The following GPR119 variants were observed in gnomAD, a reference collection of about 807,000 sequenced individuals.
GPR119 encodes G protein-coupled receptor 119.
A neutral mutation model predicts 13.3 loss-of-function variants in GPR119; 7 were observed. The ratio of observed to expected loss-of-function variants is 0.53; its 90% CI spans 0.30 to 0.99. The LOEUF (loss-of-function observed/expected upper bound fraction) is 0.99, where lower values mean the gene tolerates loss of function less well. Ranked by LOEUF, GPR119 falls within the 50% of genes least tolerant of loss-of-function variation. The pLI is 0.06. For synonymous variants in GPR119, 107 were observed against 112.5 expected, an observed-to-expected ratio of 0.95 and a Z score of 0.31; for missense variants, 197 against 263.0, an observed-to-expected ratio of 0.75 and a Z score of 1.74.
chrX:130,381,645 A>G lies in GPR119; in HGVS notation c.*911T>C, dbSNP rs1210135600. 8.9e-6 allele frequency among the ~76,000 whole-genome samples: 1 copy of G among 111,889 alleles called. No homozygotes were observed. Among genetic ancestry groups the G allele is most frequent in the Non-Finnish European group, 1.9e-5 (1 of 53,252 alleles). ...TGAGGAATTTACAGTTCTGAGTCCA[A>G]TTGTCCTTGTCCTATATGTCATAAT... On this transcript the variant is annotated 3_prime_UTR_variant, in exon 2 of 2. Transcript: ENST00000682440.
At position 130,385,018 on chromosome X, in the gene GPR119, G is replaced by A; in HGVS notation, c.430C>T (p.Pro144Ser). 8.3e-7 allele frequency: 1 copy of A among 1,211,830 alleles called. No homozygotes were observed. The change falls in exon 1 of 2, where the codon CCC becomes TCC. Residue 144 changes from proline (P) to serine (S), a missense_variant. Transcript: ENST00000682440. The part of the protein sequence containing the change: ...YLIGFLPLGI[P>S]MFQQTAYKGQ... Reference sequence around the variant, plus strand: ...TTGTAGGCAGTCTGCTGGAACATGGGGATTCCGAGTGGGAGGAAGCCAATG... The same window carrying A: ...TTGTAGGCAGTCTGCTGGAACATGGAGATTCCGAGTGGGAGGAAGCCAATG...
rs953526058 is a variant in GPR119, at chrX:130,381,165, T to G, written c.*1391A>C. Among the ~76,000 whole-genome samples, 3 of 111,251 alleles carry G rather than the reference T, an allele frequency of 2.7e-5. No homozygotes were observed. The highest frequency in any genetic ancestry group is 9.8e-5 in the African/African-American group (3 of 30,517). On this transcript the variant is annotated 3_prime_UTR_variant, in exon 2 of 2. Transcript: ENST00000682440. ...TTTTTTTTTGTTTGTTTGTTTGTTT[T>G]TTTGAGACGGAGTCTCACTCTGTTG...
In GPR119 at chrX:130,379,803, T is replaced by TG. The variant is rs2034351552; in HGVS notation, c.*2752_*2753insC. 3.6e-5 allele frequency among the ~76,000 whole-genome samples: 4 copies of TG among 112,331 alleles called. No homozygotes were observed. Among genetic ancestry groups the TG allele is most frequent in the Non-Finnish European group, 7.5e-5 (4 of 53,277 alleles). On this transcript the variant is annotated 3_prime_UTR_variant, in exon 2 of 2. Coordinates refer to ENST00000682440, the MANE Select transcript of GPR119 (RefSeq NM_178471.3). ...TTGTGATTTCCTATGTTTGCAAAAT[T>TG]TTTTTAATGAACAAAAGTTGTTTTT...
In GPR119 at chrX:130,381,428, C is replaced by T. The variant is rs779350350; in HGVS notation, c.*1128G>A. Among the ~76,000 whole-genome samples the T allele has an allele frequency of 2.7e-5, 3 of 111,923 alleles. No homozygotes were observed. Among genetic ancestry groups the T allele is most frequent in the East Asian group, 5.6e-4 (2 of 3,562 alleles). On this transcript the variant is annotated 3_prime_UTR_variant, in exon 2 of 2. Coordinates refer to ENST00000682440, the MANE Select transcript of GPR119 (RefSeq NM_178471.3). The stretch of plus-strand genomic sequence containing the variant: ...CCTCCCAACATGCTGGGATTACAGG[C>T]GTGAGCCACCATGCCTGGCCAAACA...
rs1335201348 is a variant in GPR119, at chrX:130,381,552, T to G, written c.*1004A>C. Among the ~76,000 whole-genome samples the G allele has an allele frequency of 8.9e-6, 1 of 111,914 alleles. No homozygotes were observed. Among genetic ancestry groups the G allele is most frequent in the Non-Finnish European group, 1.9e-5 (1 of 53,219 alleles). ...GTCTTGATACTGCTAAGGTATTAGA[T>G]TTATTGTTTGTCTTTTTCAACCTGA... On this transcript the variant is annotated 3_prime_UTR_variant, in exon 2 of 2. Coordinates refer to ENST00000682440, the MANE Select transcript of GPR119 (RefSeq NM_178471.3).
intron 1 of GPR119, among the ~76,000 whole-genome samples, chrX:130,383,442 C>T (rs1286965318): frequency 8.9e-6 from 1 of 111,994 alleles, no homozygotes; most frequent in Non-Finnish European, 1.9e-5. Flanking sequence ...CATGTTTTCT[C>T]TCTCTTCCCT....
chrX:130,383,050 A>G lies in GPR119; in HGVS notation c.*5-499T>C, dbSNP rs1009351971. 1.7e-4 allele frequency among the ~76,000 whole-genome samples: 19 copies of G among 111,498 alleles called. No individual in the cohort carries two copies. The East Asian group carries it at 5.1e-3, about 30-fold the overall frequency. On this transcript the variant is annotated intron_variant, in intron 1 of 1. Coordinates refer to ENST00000682440, the MANE Select transcript of GPR119 (RefSeq NM_178471.3). ...TTCTTCTTGCCCTCTTTTGTTGTCA[A>G]CTTGGCAGCTTTCTGGGGCAATATT...
In GPR119 at chrX:130,380,892, CT is replaced by C. The variant is rs2034355427; in HGVS notation, c.*1663del. ...CTGTTCATGGAAATAATAAATGGGA[CT>C]GATTGGCCTACATTGCATCCTACAA... is the stretch of plus-strand genomic sequence containing the variant. On this transcript the variant is annotated 3_prime_UTR_variant, in exon 2 of 2. Coordinates refer to ENST00000682440, the MANE Select transcript of GPR119 (RefSeq NM_178471.3). Among the ~76,000 whole-genome samples, 1 of 112,342 alleles carries C rather than the reference CT, an allele frequency of 8.9e-6. No individual in the cohort carries two copies. Among genetic ancestry groups the C allele is most frequent in the Non-Finnish European group, 1.9e-5 (1 of 53,257 alleles).
chrX:130,380,314 T>C lies in GPR119; in HGVS notation c.*2242A>G, dbSNP rs1230147003. On this transcript the variant is annotated 3_prime_UTR_variant, in exon 2 of 2. Coordinates refer to ENST00000682440, the MANE Select transcript of GPR119 (RefSeq NM_178471.3). Reference sequence around the variant, plus strand: ...TCCCATTTGAACCAGTTAACACTTCTCCTTCTAGGGAGAAGATATCCCAAG... The same window carrying C: ...TCCCATTTGAACCAGTTAACACTTCCCCTTCTAGGGAGAAGATATCCCAAG... Among the ~76,000 whole-genome samples the C allele has an allele frequency of 8.9e-6, 1 of 112,325 alleles. No homozygotes were observed. Among genetic ancestry groups the C allele is most frequent in the Non-Finnish European group, 1.9e-5 (1 of 53,301 alleles).
chrX:130,380,001 T>G lies in GPR119; in HGVS notation c.*2555A>C, dbSNP rs1231819214. 8.9e-6 allele frequency among the ~76,000 whole-genome samples: 1 copy of G among 112,285 alleles called. No homozygotes were observed. The highest frequency in any genetic ancestry group is 1.9e-5 in the Non-Finnish European group (1 of 53,299). On this transcript the variant is annotated 3_prime_UTR_variant, in exon 2 of 2. Coordinates refer to ENST00000682440, the MANE Select transcript of GPR119 (RefSeq NM_178471.3). Reference sequence around the variant, plus strand: ...GCATTTGTAGGCACCATCATTGAATTTATAAGATTGCAGAAATAACAAGTG... The same window carrying G: ...GCATTTGTAGGCACCATCATTGAATGTATAAGATTGCAGAAATAACAAGTG...
intron 1 of GPR119, among the ~76,000 whole-genome samples, chrX:130,384,015 A>G (rs746290377): frequency 1.1e-4 from 12 of 112,747 alleles, no homozygotes; most frequent in Non-Finnish European, 2.2e-4. Context: ...TAAATAAAAT[A>G]TTAGTTTTGC....
At position 130,381,714 on chromosome X, in the gene GPR119, T is replaced by A. The variant is rs1010883488; in HGVS notation, c.*842A>T. ...CCCTTAAATGGGTCAACTGACTGTTTAGTCCAGGGTGTTTAAAGAAGAGGA... is the reference window on the plus strand; with the variant it reads ...CCCTTAAATGGGTCAACTGACTGTTAAGTCCAGGGTGTTTAAAGAAGAGGA... On this transcript the variant is annotated 3_prime_UTR_variant, in exon 2 of 2. Transcript: ENST00000682440. Among the ~76,000 whole-genome samples the A allele has an allele frequency of 4.5e-5, 5 of 112,048 alleles. No individual in the cohort carries two copies. The highest frequency in any genetic ancestry group is 1.6e-4 in the African/African-American group (5 of 30,820).
At position 130,385,089 on chromosome X, in the gene GPR119, A is replaced by G; in HGVS notation, c.359T>C (p.Phe120Ser). ...CCCGGCAATGCAGGCCCCGGCCACG[A>G]ACCCACTCATGATCTTCAAGTAGCG... is the stretch of plus-strand genomic sequence containing the variant. ...PFRYLKIMSG[F>S]VAGACIAGLW... Residue 120 changes from phenylalanine (F) to serine (S), a missense_variant, in exon 1 of 2, where the codon TTC becomes TCC. Coordinates refer to ENST00000682440, the MANE Select transcript of GPR119 (RefSeq NM_178471.3). 1 of 1,212,268 alleles carries G rather than the reference A, an allele frequency of 8.2e-7. No individual in the cohort carries two copies. The highest frequency in any genetic ancestry group is 1.8e-5 in the South Asian group (1 of 57,040).
chrX:130,383,459 G>A (rs2034367115), intron 1 of GPR119, among the ~76,000 whole-genome samples: 1 of 112,007 alleles, frequency 8.9e-6, no homozygotes, highest in African/African-American at 3.2e-5. Context: ...CCCTCCCAGT[G>A]CCTCAGAATT....
rs2034373840 is a variant in GPR119 at position 130,384,585 on chromosome X, A to G, written c.863T>C (p.Leu288Pro). 1 of 1,212,010 alleles carries G rather than the reference A, an allele frequency of 8.3e-7. No homozygotes were observed. Among genetic ancestry groups the G allele is most frequent in the African/African-American group, 1.7e-5 (1 of 57,860 alleles). Residue 288 changes from leucine (L) to proline (P), a missense_variant, in exon 1 of 2, where the codon CTG becomes CCG. Coordinates refer to ENST00000682440, the MANE Select transcript of GPR119 (RefSeq NM_178471.3). ...TCCTAGGGCCATGTGGTAGAGCTGC[A>G]GTCGCACCTCCTTCTGCCAATAGGC... is the stretch of plus-strand genomic sequence containing the variant. Reference protein sequence around the residue: ...IYAYWQKEVRLQLYHMALGVK... With the variant: ...IYAYWQKEVRPQLYHMALGVK...
chrX:130,385,563 G>T lies in GPR119; in HGVS notation c.-116C>A. 1 of 713,302 alleles carries T rather than the reference G, an allele frequency of 1.4e-6. No individual in the cohort carries two copies. The highest frequency in any genetic ancestry group is 2.1e-6 in the Non-Finnish European group (1 of 471,544). The allele number at this position is 713,302 out of a possible 1,213,427, so 58.8% of individuals were successfully genotyped here. On this transcript the variant is annotated 5_prime_UTR_variant, in exon 1 of 2. Coordinates refer to ENST00000682440, the MANE Select transcript of GPR119 (RefSeq NM_178471.3). ...GAGCTACAGCACGATTCTGGCCTTC[G>T]CTGGCAGTCCAGGCTGGCAGGTCGC... is the stretch of plus-strand genomic sequence containing the variant.
rs1378223988 is a variant in GPR119, at chrX:130,384,543, G to T, written c.905C>A (p.Thr302Asn). 1.7e-6 allele frequency: 2 copies of T among 1,210,252 alleles called. No homozygotes were observed. Among genetic ancestry groups the T allele is most frequent in the Non-Finnish European group, 2.2e-6 (2 of 895,093 alleles). ...HMALGVKKVLTSFLLFLSARN... is the reference protein window; with the variant it reads ...HMALGVKKVLNSFLLFLSARN... ...GGCCGAGAGAAAGAGGAGGAATGAG[G>T]TGAGCACCTTCTTCACTCCTAGGGC... Residue 302 changes from threonine to asparagine, a missense_variant, in exon 1 of 2, where the codon ACC (threonine) becomes AAC (asparagine). Thr to Asn is a moderately conservative substitution (Grantham distance 65). Coordinates refer to ENST00000682440, the MANE Select transcript of GPR119 (RefSeq NM_178471.3).
In GPR119 at chrX:130,385,133, A is replaced by G; in HGVS notation, c.315T>C (p.Leu105=). The change falls in exon 1 of 2, where the codon CTT becomes CTC. Residue 105 remains leucine (L), a synonymous_variant. Coordinates refer to ENST00000682440, the MANE Select transcript of GPR119 (RefSeq NM_178471.3). ...AGTAGCGGAAGGGCTGCTTGATGGC[A>G]AGGTACCTGTCAAAGGTGATCAGCA... The part of the protein sequence containing the change: ...TVMLITFDRY[L]AIKQPFRYLK... 5.8e-6 allele frequency: 7 copies of G among 1,211,499 alleles called. No homozygotes were observed. The highest frequency in any genetic ancestry group is 7.8e-6 in the Non-Finnish European group (7 of 895,155).
At chrX:130,382,765 C>T (rs5975186) in intron 1 of GPR119, among the ~76,000 whole-genome samples, 4,641 of 110,567 alleles carry the variant, frequency 0.042, 254 homozygotes, top group African/African-American at 0.14. Context: ...TAAGAAAATC[C>T]GAGTGCAAAG....
Sources: allele counts gnomAD v4.1 joint callset (sites outside exome capture counted in the v4.1 genomes callset), GRCh38; gene constraint gnomAD v4.1.1; transcripts MANE v1.5; gene names NCBI Gene and HGNC (gene_info 2026-07-23, HGNC 2026-07-21).